The following CDCA2 variants were observed in gnomAD, a reference collection of about 807,000 sequenced individuals.
CDCA2 encodes cell division cycle associated 2, also known as cell division cycle-associated protein 2.
CDCA2 carries 44 observed loss-of-function variants against 67.0 expected under a neutral mutation model. That is an observed-to-expected ratio of 0.66 (90% CI 0.52 to 0.84). CDCA2 has a LOEUF of 0.84. Among genes scored for constraint, CDCA2 ranks in the 40% least tolerant of loss-of-function variants. The pLI is 0.00. For synonymous variants in CDCA2, 447 were observed against 418.7 expected (o/e 1.07, Z -0.82); for missense variants, 1,253 against 1,203.2 (o/e 1.04, Z -0.61).
At position 25,488,706 on chromosome 8, in the gene CDCA2, A is replaced by G. The variant is rs1384090093; in HGVS notation, c.1671+17A>G. On this transcript the variant is annotated intron_variant, in intron 13 of 14. Transcript: ENST00000330560. ...AAGAGTCAGGTAAGCATGTGTTTAAAGATATAATAAAGAGTAGAAGTGGTG... is the reference window on the plus strand; with the variant it reads ...AAGAGTCAGGTAAGCATGTGTTTAAGGATATAATAAAGAGTAGAAGTGGTG... 1 of 1,575,570 alleles carries G rather than the reference A, an allele frequency of 6.3e-7. No homozygotes were observed. Among genetic ancestry groups the G allele is most frequent in the Non-Finnish European group, 8.6e-7 (1 of 1,166,824 alleles).
intron 7 of CDCA2, among the ~76,000 whole-genome samples, chr8:25,474,323 TTTTA>T (rs1803267070): frequency 6.6e-6 from 1 of 152,236 alleles, no homozygotes; most frequent in South Asian, 2.1e-4. Flanking sequence ...TTTTCTCTAC[TTTTA>T]TTTGTTTTGA....
chr8:25,505,126 CT>C (rs1469961760), intron 14 of CDCA2, among the ~76,000 whole-genome samples: 3 of 152,014 alleles, frequency 2.0e-5, no homozygotes, highest in Non-Finnish European at 4.4e-5. Flanking sequence ...TCTCTTTTTC[CT>C]TTCCTCTCTC....
rs1266538266 is a variant in CDCA2, at chr8:25,505,220, G to A, written c.1844-1290G>A. 3.8e-4 allele frequency among the ~76,000 whole-genome samples: 57 copies of A among 151,384 alleles called. 1 individual carries two copies. Among genetic ancestry groups the A allele is most frequent in the Non-Finnish European group, 1.5e-5 (1 of 67,928 alleles). On this transcript the variant is annotated intron_variant, in intron 14 of 14. Coordinates refer to ENST00000330560, the MANE Select transcript of CDCA2 (RefSeq NM_152562.4). ...CTTTTTGTTTGTTTGTTTGTTTTTT[G>A]AGATGGAGTCTCACTCTGTCGCCCA...
At chr8:25,488,756 A>G in intron 13 of CDCA2, 67 bp downstream of exon 13, 1 of 1,401,250 alleles carries the variant, frequency 7.1e-7, no homozygotes, top group Non-Finnish European at 9.3e-7. Flanking sequence ...ATAATTAGGA[A>G]AATATAGAAA....
In CDCA2 at chr8:25,507,525, C is replaced by T. The variant is rs765380420; in HGVS notation, c.2859C>T (p.Pro953=). Residue 953 remains proline, a synonymous_variant, in exon 15 of 15, where the codon CCC becomes CCT. Transcript: ENST00000330560. The part of the protein sequence containing the change: ...SSRQKPQMAP[P]VSDPENSQGP... Reference sequence around the variant, plus strand: ...GACAAAAACCGCAGATGGCACCTCCCGTCTCAGATCCAGAAAACAGCCAGG... The same window carrying T: ...GACAAAAACCGCAGATGGCACCTCCTGTCTCAGATCCAGAAAACAGCCAGG... 7 of 1,613,804 alleles carry T rather than the reference C, an allele frequency of 4.3e-6. No individual in the cohort carries two copies. The highest frequency in any genetic ancestry group is 3.3e-5 in the Admixed American group (2 of 59,946).
At chr8:25,468,117 T>TG (rs1192222608) in intron 5 of CDCA2, 100 bp from the exon 6 acceptor site, 1 of 157,786 alleles carries the variant, frequency 6.3e-6, no homozygotes, top group Admixed American at 3.1e-4. Flanking sequence ...AAACTCCGTC[T>TG]CAAAAAAAAA....
At chr8:25,471,399 G>C (rs559102169) in intron 7 of CDCA2, among the ~76,000 whole-genome samples, 3 of 151,140 alleles carry the variant, frequency 2.0e-5, no homozygotes, top group Admixed American at 2.0e-4. Context: ...GTCTCGCTCT[G>C]TTGACCAGGC....
At chr8:25,501,375 C>A (rs1302867648) in intron 13 of CDCA2, among the ~76,000 whole-genome samples, 2 of 152,222 alleles carry the variant, frequency 1.3e-5, no homozygotes, top group East Asian at 1.9e-4. Context: ...ACCCAAATGA[C>A]CTTTCTTAAA....
intron 5 of CDCA2, 78 bp from the exon 6 acceptor site, chr8:25,468,139 A>AAAT: frequency 3.6e-6 from 2 of 558,544 alleles, no homozygotes; most frequent in Non-Finnish European, 4.9e-6. Context: ...AAAAAAAAAA[A>AAAT]GAAAAGAAAA....
At chr8:25,491,724 C>T (rs55796651) in intron 13 of CDCA2, among the ~76,000 whole-genome samples, 47,659 of 151,976 alleles carry the variant, frequency 0.31, 7,982 homozygotes, top group African/African-American at 0.43. Context: ...TCAAGTGATC[C>T]TCCCACCTCA....
At position 25,459,487 on chromosome 8, in the gene CDCA2, C is replaced by T. The variant is rs896300603; in HGVS notation, c.-1+14C>T. ...GCGGCGTGAGAGGTAGGATTGCATC[C>T]GCGCTGCCACGGGGCTGTTTCTCCG... On this transcript the variant is annotated intron_variant, in intron 1 of 14. Transcript: ENST00000330560. 2 of 152,324 alleles carry T rather than the reference C, an allele frequency of 1.3e-5. No homozygotes were observed. Among genetic ancestry groups the T allele is most frequent in the African/African-American group, 4.8e-5 (2 of 41,428 alleles). 9.4% of individuals were successfully genotyped at this position (152,324 alleles called of 1,614,324 possible).
rs1376573185 is a variant in CDCA2, at chr8:25,506,871, G to A, written c.2205G>A (p.Gln735=). Residue 735 remains glutamine, a synonymous_variant, in exon 15 of 15, where the codon CAG becomes CAA. Coordinates refer to ENST00000330560, the MANE Select transcript of CDCA2 (RefSeq NM_152562.4). ...CCAAACCTGCTCTGACCCTGCAGCA[G>A]GGTCAAGAATTTTCTGCTGGTGGTC... The part of the protein sequence containing the change: ...DSPKPALTLQ[Q]GQEFSAGGQN... 3 of 1,612,684 alleles carry A rather than the reference G, an allele frequency of 1.9e-6. No homozygotes were observed. The highest frequency in any genetic ancestry group is 2.7e-5 in the African/African-American group (2 of 74,796).
intron 11 of CDCA2, among the ~76,000 whole-genome samples, 164 bp from the exon 12 acceptor site, chr8:25,487,081 CA>C (rs35258360): frequency 0.94 from 141,156 of 149,698 alleles, 66,731 homozygotes; most frequent in East Asian, 1. Flanking sequence ...TTTTTTAAAA[CA>C]AAAAAAAAAA....
chr8:25,498,005 T>C (rs1224287591), intron 13 of CDCA2, among the ~76,000 whole-genome samples: 4 of 152,142 alleles, frequency 2.6e-5, no homozygotes, highest in Admixed American at 2.6e-4. Context: ...CAAATAAATG[T>C]CAAGGGAAGT....
At chr8:25,478,294 A>G (rs1283684399) in intron 7 of CDCA2, among the ~76,000 whole-genome samples, 1 of 152,134 alleles carries the variant, frequency 6.6e-6, no homozygotes, top group Non-Finnish European at 1.5e-5. Context: ...TCTTCAAAAT[A>G]TGTCAAATGT....
chr8:25,469,816 A>G (rs1024110257), intron 6 of CDCA2, 80 bp from the exon 7 acceptor site: 49 of 808,542 alleles, frequency 6.1e-5, no homozygotes, highest in Non-Finnish European at 9.8e-5. Flanking sequence ...GGCAATCCAT[A>G]ATGTTTACTC....
intron 6 of CDCA2, among the ~76,000 whole-genome samples, chr8:25,469,377 T>G (rs1803061831): frequency 6.6e-6 from 1 of 152,250 alleles, no homozygotes; most frequent in African/African-American, 2.4e-5. Flanking sequence ...GAAGCAAGAA[T>G]AATTGTTTGT....
At chr8:25,493,806 TTCTGCTAA>T (rs1457581012) in intron 13 of CDCA2, among the ~76,000 whole-genome samples, 12 of 152,324 alleles carry the variant, frequency 7.9e-5, no homozygotes, top group African/African-American at 2.9e-4. Context: ...CTCATACATT[TTCTGCTAA>T]AGCAGACCTC....
intron 13 of CDCA2, among the ~76,000 whole-genome samples, chr8:25,495,761 G>T (rs1379288937): frequency 2.0e-5 from 3 of 152,036 alleles, no homozygotes; most frequent in Non-Finnish European, 2.9e-5. Context: ...TAACTGCAAA[G>T]AAATTATAAA....
Sources: allele counts gnomAD v4.1 joint callset (sites outside exome capture counted in the v4.1 genomes callset), GRCh38; gene constraint gnomAD v4.1.1; transcripts MANE v1.5; gene names NCBI Gene and HGNC (gene_info 2026-07-23, HGNC 2026-07-21).